Variants in LRRTM4 observed in about 807,000 individuals in gnomAD.
The protein encoded by LRRTM4 is leucine-rich repeat transmembrane neuronal protein 4.
A neutral mutation model predicts 47.6 loss-of-function variants in LRRTM4; 25 were observed. The ratio of observed to expected loss-of-function variants is 0.53; its 90% CI spans 0.38 to 0.73. The LOEUF is 0.73. Ranked by LOEUF, LRRTM4 falls within the 30% of genes least tolerant of loss-of-function variation. The pLI is 0.00. For missense variants in LRRTM4, 638 were observed against 713.4 expected (o/e 0.89, Z 1.20); for synonymous variants, 311 against 269.5 (o/e 1.15, Z -1.51).
chr2:76,911,891 C>T (rs1204527271), intron 3 of LRRTM4, among the ~76,000 whole-genome samples: 1 of 144,772 alleles, frequency 6.9e-6, no homozygotes. Flanking sequence ...CTCCACAACC[C>T]TACTAACATG....
intron 3 of LRRTM4, among the ~76,000 whole-genome samples, chr2:76,856,226 A>C (rs993424973): frequency 5.9e-5 from 9 of 152,110 alleles, no homozygotes; most frequent in African/African-American, 1.9e-4. Context: ...GCAGTGAGCC[A>C]AGATTGCGCC....
At chr2:76,828,246 G>A (rs976694487) in intron 3 of LRRTM4, among the ~76,000 whole-genome samples, 1 of 151,904 alleles carries the variant, frequency 6.6e-6, no homozygotes, top group African/African-American at 2.4e-5. Context: ...AAGAGTTGCT[G>A]CTTCCTCCAA....
At position 77,342,208 on chromosome 2, in the gene LRRTM4, G is replaced by A. The variant is rs116682764; in HGVS notation, c.1551+176110C>T. Among the ~76,000 whole-genome samples the A allele has an allele frequency of 4.0e-3, 613 of 152,050 alleles. 3 individuals are homozygous for A. Among genetic ancestry groups the A allele is most frequent in the African/African-American group, 0.014 (593 of 41,510 alleles). On this transcript the variant is annotated intron_variant, in intron 3 of 3. Transcript: ENST00000409884. Reference sequence around the variant, plus strand: ...GGAGCATCATGAATGATTGATGTACGTAGAACAAATGTTAGAAGTCAATAG... The same window carrying A: ...GGAGCATCATGAATGATTGATGTACATAGAACAAATGTTAGAAGTCAATAG...
At chr2:77,135,231 T>C (rs1671902597) in intron 3 of LRRTM4, among the ~76,000 whole-genome samples, 1 of 152,198 alleles carries the variant, frequency 6.6e-6, no homozygotes, top group African/African-American at 2.4e-5. Flanking sequence ...TTGAATAGCA[T>C]TAAATGACTC....
intron 3 of LRRTM4, among the ~76,000 whole-genome samples, chr2:76,987,655 T>C (rs558687837): frequency 3.0e-4 from 45 of 152,050 alleles, no homozygotes; most frequent in African/African-American, 1.1e-3. Flanking sequence ...AAATGAGAGA[T>C]AAATGTATTT....
intron 3 of LRRTM4, among the ~76,000 whole-genome samples, chr2:77,214,266 G>A (rs181072978): frequency 6.6e-6 from 1 of 152,286 alleles, no homozygotes; most frequent in Non-Finnish European, 1.5e-5. Flanking sequence ...AGAGACCTGT[G>A]TTCTTATCCT....
chr2:76,931,295 A>T lies in LRRTM4; in HGVS notation c.1552-182379T>A, dbSNP rs567291084. Among the ~76,000 whole-genome samples, 16 of 152,346 alleles carry T rather than the reference A, an allele frequency of 1.1e-4. No individual in the cohort carries two copies. The East Asian group carries it at 3.1e-3, about 29-fold the overall frequency. On this transcript the variant is annotated intron_variant, in intron 3 of 3. Transcript: ENST00000409884. ...CAGTTTTTAGGAGAAATGTGAGCAT[A>T]TATTAATGCATATTAGCAAAAATAC...
intron 3 of LRRTM4, among the ~76,000 whole-genome samples, chr2:77,459,749 C>T (rs1196912542): frequency 7.7e-6 from 1 of 130,356 alleles, no homozygotes; most frequent in Admixed American, 8.0e-5. Flanking sequence ...AGTGTATAAA[C>T]TGGTTTTAGC....
chr2:77,374,100 G>T (rs1672745151), intron 3 of LRRTM4, among the ~76,000 whole-genome samples: 1 of 151,688 alleles, frequency 6.6e-6, no homozygotes, highest in Non-Finnish European at 1.5e-5. Flanking sequence ...CATTTCTACT[G>T]CTGCATAAAA....
chr2:77,134,059 T>C (rs1053020982), intron 3 of LRRTM4, among the ~76,000 whole-genome samples: 3 of 152,146 alleles, frequency 2.0e-5, no homozygotes, highest in African/African-American at 7.2e-5. Flanking sequence ...CTATTACATA[T>C]AAATAACACA....
At position 77,518,418 on chromosome 2, in the gene LRRTM4, T is replaced by C. The variant is rs764252128; in HGVS notation, c.1451A>G (p.Tyr484Cys). 2 of 1,613,184 alleles carry C rather than the reference T, an allele frequency of 1.2e-6. No homozygotes were observed. The highest frequency in any genetic ancestry group is 2.2e-5 in the East Asian group (1 of 44,798). Residue 484 changes from tyrosine (Y) to cysteine (C), a missense_variant, in exon 3 of 4, where the codon TAT (tyrosine) becomes TGT (cysteine). By Grantham distance (194) the Tyr-to-Cys change is radical (BLOSUM62 -2). Transcript: ENST00000409884. ...ERQMNSPLQE[Y>C]YVDYKPTNSE... ...GTTTGTAGGCTTGTAGTCCACATAA[T>C]ACTCCTGTAAAGGGGAATTCATTTG...
chr2:76,857,258 A>G (rs927708690), intron 3 of LRRTM4, among the ~76,000 whole-genome samples: 80 of 149,916 alleles, frequency 5.3e-4, no homozygotes, highest in African/African-American at 1.9e-3. Flanking sequence ...TGATTTTCTT[A>G]ATAATATTTC....
At chr2:76,842,762 C>T (rs1671722168) in intron 3 of LRRTM4, among the ~76,000 whole-genome samples, 1 of 151,988 alleles carries the variant, frequency 6.6e-6, no homozygotes, top group Admixed American at 6.6e-5. Context: ...TTCTGGGATA[C>T]ATGTGCAGAA....
chr2:77,262,443 C>T (rs1034458282), intron 3 of LRRTM4, among the ~76,000 whole-genome samples: 1 of 151,854 alleles, frequency 6.6e-6, no homozygotes, highest in Non-Finnish European at 1.5e-5. Context: ...AACTAGTGAT[C>T]ACGGATACAT....
intron 3 of LRRTM4, among the ~76,000 whole-genome samples, chr2:77,031,465 T>G (rs989113418): frequency 6.6e-6 from 1 of 152,204 alleles, no homozygotes. Flanking sequence ...TATTAGTTAT[T>G]TCCTAATTTT....
At chr2:76,846,380 T>C (rs940101570) in intron 3 of LRRTM4, among the ~76,000 whole-genome samples, 1 of 152,098 alleles carries the variant, frequency 6.6e-6, no homozygotes, top group African/African-American at 2.4e-5. Context: ...TTAGGATAAT[T>C]TGCTCAGAAC....
At chr2:77,002,586 A>T (rs912062463) in intron 3 of LRRTM4, among the ~76,000 whole-genome samples, 1 of 152,146 alleles carries the variant, frequency 6.6e-6, no homozygotes, top group Non-Finnish European at 1.5e-5. Context: ...TAGAAGCCAG[A>T]GCATTCTTTC....
intron 3 of LRRTM4, among the ~76,000 whole-genome samples, chr2:76,749,419 T>G (rs1043898936): frequency 2.6e-5 from 4 of 152,154 alleles, no homozygotes; most frequent in Non-Finnish European, 5.9e-5. Context: ...TAACTTTTTA[T>G]TTGATACCTA....
At chr2:76,882,203 TTC>T (rs1041937103) in intron 3 of LRRTM4, among the ~76,000 whole-genome samples, 1 of 152,160 alleles carries the variant, frequency 6.6e-6, no homozygotes, top group Non-Finnish European at 1.5e-5. Context: ...TATTAATATT[TTC>T]TGTTTGGTAT....
Sources: gnomAD v4.1 joint callset for allele counts (sites outside exome capture counted in the v4.1 genomes callset) on GRCh38, gnomAD v4.1.1 for gene constraint, MANE v1.5 for transcripts, NCBI Gene and HGNC (gene_info 2026-07-23, HGNC 2026-07-21) for gene names.